The following ZNF366 variants were observed in gnomAD, a reference collection of about 807,000 sequenced individuals.
ZNF366 encodes zinc finger protein 366, also known as dendritic cell-specific transcript protein.
In ZNF366, 20 loss-of-function variants were observed where a neutral mutation model predicts 47.2. The observed-to-expected ratio is 0.42, with a 90% CI of 0.30 to 0.62. ZNF366 has a LOEUF of 0.62. Ranked by LOEUF, ZNF366 falls within the 20% of genes least tolerant of loss-of-function variation. ZNF366 has a pLI of 0.16. For missense variants in ZNF366, 987 were observed against 976.3 expected (o/e 1.01, Z -0.15); for synonymous variants, 421 against 395.1 (o/e 1.07, Z -0.78).
chr5:72,456,604 A>G lies in ZNF366; in HGVS notation c.1333-9T>C, dbSNP rs758069362. On this transcript the variant is annotated splice_polypyrimidine_tract_variant and intron_variant, in intron 2 of 4. Coordinates refer to ENST00000318442, the MANE Select transcript of ZNF366 (RefSeq NM_152625.3). ...TTATGCTCCTTCACACCCTGCAGGGAGGCAAGATTCAGAAAAGTGGTGATT... is the reference window on the plus strand; with the variant it reads ...TTATGCTCCTTCACACCCTGCAGGGGGGCAAGATTCAGAAAAGTGGTGATT... 1.5e-5 allele frequency: 24 copies of G among 1,572,088 alleles called. No individual in the cohort carries two copies. The highest frequency in any genetic ancestry group is 6.8e-5 in the East Asian group (3 of 44,182).
chr5:72,450,598 G>C (rs1322815119), intron 3 of ZNF366, among the ~76,000 whole-genome samples: 1 of 152,130 alleles, frequency 6.6e-6, no homozygotes, highest in African/African-American at 2.4e-5. Flanking sequence ...AAACCTATTA[G>C]TTTTCAAACT....
intron 2 of ZNF366, among the ~76,000 whole-genome samples, chr5:72,458,320 T>A (rs1451672746): frequency 6.6e-6 from 1 of 152,160 alleles, no homozygotes; most frequent in Non-Finnish European, 1.5e-5. Flanking sequence ...CCGGCCAGCA[T>A]CTTTCTTCTC....
At chr5:72,506,517 A>T (rs1237995918) in intron 1 of ZNF366, among the ~76,000 whole-genome samples, 1 of 152,204 alleles carries the variant, frequency 6.6e-6, no homozygotes, top group Non-Finnish European at 1.5e-5. Flanking sequence ...CCTCCTACTG[A>T]CATAAATGAT....
chr5:72,481,741 A>G (rs575083338), intron 1 of ZNF366, among the ~76,000 whole-genome samples: 1 of 152,344 alleles, frequency 6.6e-6, no homozygotes, highest in East Asian at 1.9e-4. Context: ...TAATAAGAAT[A>G]AGAAACAATT....
intron 1 of ZNF366, among the ~76,000 whole-genome samples, chr5:72,467,409 A>G (rs1743453578): frequency 1.3e-5 from 2 of 152,230 alleles, no homozygotes; most frequent in South Asian, 2.1e-4. Context: ...ATAAGGACCA[A>G]TGAGAGAAAT....
At chr5:72,451,782 G>A (rs1397423723) in intron 3 of ZNF366, among the ~76,000 whole-genome samples, 1 of 152,208 alleles carries the variant, frequency 6.6e-6, no homozygotes, top group African/African-American at 2.4e-5. Context: ...TGGAAAAAGA[G>A]GCTTCATCCA....
intron 1 of ZNF366, among the ~76,000 whole-genome samples, chr5:72,465,313 C>A (rs2112332401): frequency 6.6e-6 from 1 of 152,154 alleles, no homozygotes; most frequent in Admixed American, 6.5e-5. Context: ...TAAGGAGAAG[C>A]CCGAGGTGGT....
chr5:72,457,407 G>C (rs1393374847), intron 2 of ZNF366, among the ~76,000 whole-genome samples: 1 of 152,124 alleles, frequency 6.6e-6, no homozygotes, highest in Non-Finnish European at 1.5e-5. Flanking sequence ...AAGAGGTCTT[G>C]ACCCTGAATG....
At chr5:72,458,016 T>C (rs935815577) in intron 2 of ZNF366, among the ~76,000 whole-genome samples, 21 of 140,684 alleles carry the variant, frequency 1.5e-4, no homozygotes, top group Admixed American at 4.2e-4. Context: ...ATCTTTCTTT[T>C]TTTTTTTTTT....
In ZNF366 at chr5:72,440,534, G is replaced by C. The variant is rs1168729101; in HGVS notation, c.*3222C>G. On this transcript the variant is annotated 3_prime_UTR_variant, in exon 5 of 5. Transcript: ENST00000318442. ...TGGTTTTGGAATGCTGGTAATCTTG[G>C]AAGGCTTCATCCCTTAGTTCTCTGA... 6.6e-6 allele frequency: 1 copy of C among 152,172 alleles called. No individual in the cohort carries two copies. The highest frequency in any genetic ancestry group is 2.4e-5 in the African/African-American group (1 of 41,442). 9.4% of individuals were successfully genotyped at this position (152,172 alleles called of 1,614,324 possible).
In ZNF366 at chr5:72,458,579, G is replaced by A. The variant is rs368381008; in HGVS notation, c.1332+1586C>T. On this transcript the variant is annotated intron_variant, in intron 2 of 4. Coordinates refer to ENST00000318442, the MANE Select transcript of ZNF366 (RefSeq NM_152625.3). ...GAGCCTGTCAGGTGGTCAGGGGTGC[G>A]AACAGGGAAGCAGGTGGAAAAGAGG... Among the ~76,000 whole-genome samples the A allele has an allele frequency of 4.1e-4, 62 of 152,296 alleles. 1 individual carries two copies. The highest frequency in any genetic ancestry group is 1.4e-3 in the African/African-American group (57 of 41,568).
intron 1 of ZNF366, among the ~76,000 whole-genome samples, chr5:72,497,696 T>C (rs931256790): frequency 1.3e-5 from 2 of 152,206 alleles, no homozygotes; most frequent in Admixed American, 6.5e-5. Context: ...CACAAATTGC[T>C]GTCTGTAGAT....
chr5:72,493,518 A>G (rs1212649798), intron 1 of ZNF366: 2 of 152,194 alleles, frequency 1.3e-5, no homozygotes, highest in East Asian at 3.9e-4. Flanking sequence ...ATGCAAACCT[A>G]TTATAGGTAG....
At chr5:72,456,655 T>C (rs2112324213) in intron 2 of ZNF366, 60 bp from the exon 3 acceptor site, 2 of 1,456,724 alleles carry the variant, frequency 1.4e-6, no homozygotes, top group Non-Finnish European at 1.8e-6. Context: ...TTCATCAGGA[T>C]CATAGGCTTC....
chr5:72,466,767 C>T (rs957398334), intron 1 of ZNF366, among the ~76,000 whole-genome samples: 2 of 152,172 alleles, frequency 1.3e-5, no homozygotes, highest in African/African-American at 4.8e-5. Flanking sequence ...AAATCATCAG[C>T]ACATCTATAA....
Position 72,461,061 on chromosome 5 carries a change from C to T in ZNF366, c.436G>A (p.Gly146Arg). ...GGTTCCTGCTTGACGGGCTTGCCCC[C>T]AAAGTGTTCCAGGCTGCGGTAGAAT... Reference protein sequence around the residue: ...FQFYRSLEHFGGKPVKQEPIK... With the variant: ...FQFYRSLEHFRGKPVKQEPIK... The change falls in exon 2 of 5, where the codon GGG becomes AGG. Residue 146 changes from glycine to arginine, a missense_variant. By Grantham distance (125) the Gly-to-Arg change is moderately radical. This residue lies in a region of ZNF366 where 591 missense variants were observed against 560.9 expected (regional missense o/e 1.05). Transcript: ENST00000318442. 1 of 1,614,126 alleles carries T rather than the reference C, an allele frequency of 6.2e-7. No homozygotes were observed. The highest frequency in any genetic ancestry group is 8.5e-7 in the Non-Finnish European group (1 of 1,180,032).
At chr5:72,445,703 T>TC (rs1185771192) in intron 4 of ZNF366, among the ~76,000 whole-genome samples, 3 of 152,092 alleles carry the variant, frequency 2.0e-5, no homozygotes, top group Non-Finnish European at 2.9e-5. Context: ...TGGAGTGTGG[T>TC]CTCCTCACTG....
chr5:72,451,509 T>G (rs1743070341), intron 3 of ZNF366, among the ~76,000 whole-genome samples: 1 of 152,222 alleles, frequency 6.6e-6, no homozygotes, highest in African/African-American at 2.4e-5. Context: ...CTATGAAGGT[T>G]GTTGTGAGGA....
At chr5:72,485,992 G>T (rs1743884752) in intron 1 of ZNF366, among the ~76,000 whole-genome samples, 1 of 152,100 alleles carries the variant, frequency 6.6e-6, no homozygotes, top group Non-Finnish European at 1.5e-5. Flanking sequence ...TCTGAAGTGA[G>T]GCCACCCGAA....
Sources: gnomAD v4.1 joint callset for allele counts (sites outside exome capture counted in the v4.1 genomes callset) on GRCh38, gnomAD v4.1.1 for gene constraint, gnomAD v4.1.1 regional missense constraint, MANE v1.5 for transcripts, NCBI Gene and HGNC (gene_info 2026-07-23, HGNC 2026-07-21) for gene names.